ASAP1: variants seen among roughly 807,000 people sequenced by gnomAD.
ASAP1 encodes ArfGAP with SH3 domain, ankyrin repeat and PH domain 1, also known as arf-GAP with SH3 domain, ANK repeat and PH domain-containing protein 1.
In ASAP1, 43 loss-of-function variants were observed where a neutral mutation model predicts 145.2. That is an observed-to-expected ratio of 0.30 (90% CI 0.23 to 0.38). The LOEUF is 0.38. ASAP1 is among the 10% of genes least tolerant of loss of function. The pLI is 1.00. For synonymous variants in ASAP1, 546 were observed against 515.5 expected (o/e 1.06, Z -0.80); for missense variants, 1,018 against 1,355.3 (o/e 0.75, Z 3.91).
intron 27 of ASAP1, 76 bp from the exon 28 acceptor site, chr8:130,061,145 C>CA: frequency 6.7e-7 from 1 of 1,502,534 alleles, no homozygotes. Flanking sequence ...AAAGAGGCAC[C>CA]ATCATCATGA....
chr8:130,183,730 T>C (rs1030430282), intron 7 of ASAP1, among the ~76,000 whole-genome samples: 3 of 152,198 alleles, frequency 2.0e-5, no homozygotes, highest in Non-Finnish European at 4.4e-5. Flanking sequence ...AGAATGAAGA[T>C]AGTTTTGGAA....
chr8:130,275,775 G>A (rs1820844241), intron 3 of ASAP1, among the ~76,000 whole-genome samples: 1 of 151,990 alleles, frequency 6.6e-6, no homozygotes, highest in Non-Finnish European at 1.5e-5. Flanking sequence ...CAAATAAGGA[G>A]GCCATATCAG....
rs16904216 is a variant in ASAP1, at chr8:130,207,293, A to G, written c.405+7263T>C. On this transcript the variant is annotated intron_variant, in intron 5 of 29. Coordinates refer to ENST00000518721, the MANE Select transcript of ASAP1 (RefSeq NM_018482.4). ...GAAGGCATCTTTAATGAGAGGAAGG[A>G]TAAGTTTAGAGAGATTGCAAGGCAA... 5.1e-3 allele frequency among the ~76,000 whole-genome samples: 781 copies of G among 152,350 alleles called. 7 individuals carry two copies. The highest frequency in any genetic ancestry group is 0.018 in the African/African-American group (743 of 41,586).
At chr8:130,396,981 T>C (rs772386864) in intron 2 of ASAP1, among the ~76,000 whole-genome samples, 12 of 152,168 alleles carry the variant, frequency 7.9e-5, no homozygotes, top group Non-Finnish European at 1.3e-4. Context: ...TCCACTTCCA[T>C]GTGCTGCGCT....
At chr8:130,058,754 T>TA (rs981344635) in intron 28 of ASAP1, among the ~76,000 whole-genome samples, 3 of 152,200 alleles carry the variant, frequency 2.0e-5, no homozygotes, top group African/African-American at 7.2e-5. Flanking sequence ...TTGGCAATTT[T>TA]AAAAAAAGCA....
Position 130,118,392 on chromosome 8 carries a change from A to G in ASAP1, c.1794+97T>C, listed in dbSNP as rs568472148. 1.2e-5 allele frequency: 17 copies of G among 1,396,154 alleles called. 1 individual carries two copies. The highest frequency in any genetic ancestry group is 5.4e-5 in the South Asian group (4 of 74,586). 86.5% of individuals were successfully genotyped at this position (1,396,154 alleles called of 1,614,324 possible). A position where few individuals can be genotyped will look rare whatever the true frequency, so the allele number is the denominator to read the frequency against. ...TGATTTAGACATGGCCACCCAATGT[A>G]TAAGAATCTCATTATATGGTATAAT... On this transcript the variant is annotated intron_variant, in intron 19 of 29. Coordinates refer to ENST00000518721, the MANE Select transcript of ASAP1 (RefSeq NM_018482.4).
In ASAP1 at chr8:130,210,530, A is replaced by T. The variant is rs139632528; in HGVS notation, c.405+4026T>A. Reference sequence around the variant, plus strand: ...CTCTCACTCTTTCCAATATGCTATAACTCACCAATGAGAGAAATCAAAGGA... The same window carrying T: ...CTCTCACTCTTTCCAATATGCTATATCTCACCAATGAGAGAAATCAAAGGA... On this transcript the variant is annotated intron_variant, in intron 5 of 29. Transcript: ENST00000518721. Among the ~76,000 whole-genome samples, 1,452 of 152,302 alleles carry T rather than the reference A, an allele frequency of 9.5e-3. 10 individuals are homozygous for T. The highest frequency in any genetic ancestry group is 0.015 in the Non-Finnish European group (1,021 of 68,024).
In ASAP1 at chr8:130,112,298, A is replaced by G. The variant is rs781511156; in HGVS notation, c.2197T>C (p.Ser733Pro). 6.2e-7 allele frequency: 1 copy of G among 1,613,952 alleles called. No homozygotes were observed. Among genetic ancestry groups the G allele is most frequent in the Admixed American group, 1.7e-5 (1 of 59,990 alleles). ...DKPSPIKKER[S>P]PRPQSFCHSS... ...TGGCAGAAGCTCTGAGGTCTGGGTG[A>G]GCGCTCTTTCTTGATAGGGCTTGGC... is the stretch of plus-strand genomic sequence containing the variant. Residue 733 changes from serine to proline, a missense_variant, in exon 24 of 30, where the codon TCA becomes CCA. By Grantham distance (74) the Ser-to-Pro change is moderately conservative. Coordinates refer to ENST00000518721, the MANE Select transcript of ASAP1 (RefSeq NM_018482.4).
intron 3 of ASAP1, among the ~76,000 whole-genome samples, chr8:130,257,167 A>T (rs1379618466): frequency 6.6e-6 from 1 of 152,178 alleles, no homozygotes; most frequent in African/African-American, 2.4e-5. Flanking sequence ...AGTAACTATA[A>T]TATACACCCC....
In ASAP1 at chr8:130,241,424, A is replaced by C. The variant is rs146508428; in HGVS notation, c.187-4430T>G. On this transcript the variant is annotated intron_variant, in intron 3 of 29. Transcript: ENST00000518721. ...GTTCTATGAAAGCAGGGGCTTGTAT[A>C]ACCTGTTCATGGCTGAGTTCCTAGT... Among the ~76,000 whole-genome samples the C allele has an allele frequency of 3.8e-3, 579 of 152,236 alleles. 1 individual carries two copies. The highest frequency in any genetic ancestry group is 6.3e-3 in the Non-Finnish European group (426 of 67,994).
Position 130,053,308 on chromosome 8 carries a change from G to A in ASAP1, c.*1423C>T, listed in dbSNP as rs2097396927. 6.6e-6 allele frequency: 1 copy of A among 152,220 alleles called. No homozygotes were observed. Among genetic ancestry groups the A allele is most frequent in the South Asian group, 2.1e-4 (1 of 4,824 alleles). 9.4% of individuals were successfully genotyped at this position (152,220 alleles called of 1,614,324 possible). ...CAAATGTAGTGCCAGAATGACACAT[G>A]AGCCTCGGACTCAGGGAACAGTTCC... On this transcript the variant is annotated 3_prime_UTR_variant, in exon 30 of 30. Coordinates refer to ENST00000518721, the MANE Select transcript of ASAP1 (RefSeq NM_018482.4).
chr8:130,372,042 T>A (rs144160367), intron 2 of ASAP1, among the ~76,000 whole-genome samples: 1 of 152,234 alleles, frequency 6.6e-6, no homozygotes, highest in Non-Finnish European at 1.5e-5. Flanking sequence ...GGCTTAGGGA[T>A]CCTACTGAAT....
intron 1 of ASAP1, among the ~76,000 whole-genome samples, chr8:130,432,582 T>C (rs1830174821): frequency 6.6e-6 from 1 of 152,072 alleles, no homozygotes; most frequent in African/African-American, 2.4e-5. Flanking sequence ...TAAAGGTAGG[T>C]GCTTGGTGTC....
At chr8:130,159,549 G>GA (rs869060434) in intron 12 of ASAP1, among the ~76,000 whole-genome samples, 2,963 of 84,080 alleles carry the variant, frequency 0.035, 75 homozygotes, top group Middle Eastern at 0.089. Context: ...GTGAACTCAG[G>GA]AAAAAAAAAA....
chr8:130,329,167 A>C (rs1405985526), intron 3 of ASAP1, among the ~76,000 whole-genome samples: 1 of 152,096 alleles, frequency 6.6e-6, no homozygotes, highest in Non-Finnish European at 1.5e-5. Context: ...CTTAACCCTC[A>C]ACCACTGCTG....
intron 4 of ASAP1, among the ~76,000 whole-genome samples, chr8:130,226,404 C>T (rs538446622): frequency 5.3e-5 from 8 of 152,298 alleles, no homozygotes; most frequent in African/African-American, 1.9e-4. Flanking sequence ...CCCTGAGCCT[C>T]AGTTTCCTTA....
intron 5 of ASAP1, among the ~76,000 whole-genome samples, chr8:130,210,283 T>C (rs994781065): frequency 2.7e-5 from 4 of 149,692 alleles, no homozygotes; most frequent in Non-Finnish European, 1.5e-5. Context: ...ACCCTTCTAA[T>C]GTTTTTTGGT....
intron 3 of ASAP1, among the ~76,000 whole-genome samples, chr8:130,264,591 G>A (rs1193720793): frequency 1.3e-5 from 2 of 151,938 alleles, no homozygotes; most frequent in Non-Finnish European, 2.9e-5. Flanking sequence ...GCTTTTTTTG[G>A]AACTATAACT....
chr8:130,370,936 G>A (rs192516795), intron 2 of ASAP1, among the ~76,000 whole-genome samples: 1 of 152,228 alleles, frequency 6.6e-6, no homozygotes, highest in Non-Finnish European at 1.5e-5. Context: ...AGGGTTTCTT[G>A]TGAGGAGTGA....
Sources: gnomAD v4.1 joint callset for allele counts (sites outside exome capture counted in the v4.1 genomes callset) on GRCh38, gnomAD v4.1.1 for gene constraint, MANE v1.5 for transcripts, NCBI Gene and HGNC (gene_info 2026-07-23, HGNC 2026-07-21) for gene names.